WDR47: variants seen among roughly 807,000 people sequenced by gnomAD.
WDR47 encodes the protein WD repeat-containing protein 47.
Under a neutral mutation model 97.2 loss-of-function variants are expected in WDR47, and 32 were observed. That is an observed-to-expected ratio of 0.33 (90% CI 0.25 to 0.44). The LOEUF is 0.44. Ranked by LOEUF, WDR47 falls within the 20% of genes least tolerant of loss-of-function variation. The pLI, the probability that WDR47 is intolerant of heterozygous loss-of-function variation, is 1.00. For missense variants in WDR47, 782 were observed against 1,102.3 expected, an observed-to-expected ratio of 0.71 and a Z score of 4.11; for synonymous variants, 375 against 373.5, an observed-to-expected ratio of 1.00 and a Z score of -0.05.
intron 7 of WDR47, among the ~76,000 whole-genome samples, chr1:108,996,880 G>T (rs1659789262): frequency 6.6e-6 from 1 of 152,210 alleles, no homozygotes; most frequent in Non-Finnish European, 1.5e-5. Context: ...CACTTTGGGA[G>T]GCTGAGGTGG....
chr1:109,029,251 G>A (rs542448757), intron 1 of WDR47, among the ~76,000 whole-genome samples: 62 of 152,120 alleles, frequency 4.1e-4, no homozygotes, highest in African/African-American at 1.3e-3. Context: ...ACTGCCGGGC[G>A]CAGTGGCTCA....
intron 1 of WDR47, among the ~76,000 whole-genome samples, chr1:109,036,153 AT>A (rs1662926478): frequency 6.6e-6 from 1 of 152,182 alleles, no homozygotes; most frequent in South Asian, 2.1e-4. Flanking sequence ...ACTGGGTACT[AT>A]TTTAGGATCT....
At chr1:108,990,808 T>C (rs1240021303) in intron 9 of WDR47, among the ~76,000 whole-genome samples, 1 of 151,960 alleles carries the variant, frequency 6.6e-6, no homozygotes, top group African/African-American at 2.4e-5. Context: ...AAATTAACCA[T>C]AGGGTTCAGA....
At chr1:108,982,930 C>A (rs1253673152) in intron 11 of WDR47, 151 bp from the exon 12 acceptor site, 2 of 902,058 alleles carry the variant, frequency 2.2e-6, no homozygotes, top group African/African-American at 3.4e-5. Context: ...TAAGCAGTTT[C>A]ACTTTACTGA....
chr1:109,030,317 TA>T, intron 1 of WDR47: 2 of 1,050,662 alleles, frequency 1.9e-6, no homozygotes, highest in South Asian at 1.6e-5. Context: ...GAAGCAGCAC[TA>T]AAAGCACTCT....
intron 7 of WDR47, among the ~76,000 whole-genome samples, chr1:108,998,383 G>A (rs1028884341): frequency 6.6e-6 from 1 of 151,880 alleles, no homozygotes; most frequent in African/African-American, 2.4e-5. Flanking sequence ...GACACTTGTG[G>A]TCCCCGCTAC....
At chr1:108,993,021 TATC>T (rs1659478663) in intron 8 of WDR47, among the ~76,000 whole-genome samples, 1 of 152,154 alleles carries the variant, frequency 6.6e-6, no homozygotes, top group South Asian at 2.1e-4. Flanking sequence ...CTATCTTCTA[TATC>T]ATCATGAAGT....
intron 8 of WDR47, among the ~76,000 whole-genome samples, chr1:108,993,615 C>G (rs1233544575): frequency 6.6e-6 from 1 of 152,106 alleles, no homozygotes; most frequent in East Asian, 1.9e-4. Context: ...CCCAGCAGAA[C>G]AGTGAGGAAA....
At position 109,013,925 on chromosome 1, in the gene WDR47, C is replaced by A; in HGVS notation, c.243G>T (p.Arg81Ser). The change falls in exon 4 of 15, where the codon AGG becomes AGT. Residue 81 changes from arginine (R) to serine (S), a missense_variant and splice_region_variant. Physicochemically the swap from Arg to Ser is moderately radical, Grantham distance 110. This residue lies in a region of WDR47 where 428 missense variants were observed against 584.3 expected (regional missense o/e 0.73). Coordinates refer to ENST00000369962, the MANE Select transcript of WDR47 (RefSeq NM_001142551.2). ...LECMEKFDKKRFRYIILKQKF... is the reference protein window; with the variant it reads ...LECMEKFDKKSFRYIILKQKF... ...TCTGCTTCAGGATAATATAACGAAA[C>A]CTGTGGGAAAAAAATGAAGCATTAA... The A allele has an allele frequency of 6.2e-7, 1 of 1,603,172 alleles. No homozygotes were observed. Among genetic ancestry groups the A allele is most frequent in the Non-Finnish European group, 8.5e-7 (1 of 1,176,288 alleles).
chr1:108,992,204 TAAGA>T, intron 8 of WDR47: 2 of 755,530 alleles, frequency 2.6e-6, no homozygotes, highest in South Asian at 1.5e-5. Flanking sequence ...AATTAGATAA[TAAGA>T]AAGACCTCTT....
chr1:109,023,543 A>T, intron 1 of WDR47, 22 bp from the exon 2 acceptor site: 1 of 1,604,490 alleles, frequency 6.2e-7, no homozygotes, highest in African/African-American at 1.3e-5. Flanking sequence ...ACAGAAAAAC[A>T]ATAAAGCTAG....
chr1:109,040,532 T>G (rs775583795), intron 1 of WDR47, among the ~76,000 whole-genome samples: 3 of 152,106 alleles, frequency 2.0e-5, no homozygotes, highest in East Asian at 1.9e-4. Context: ...AAAAAAAAAT[T>G]TACATCTTCA....
At chr1:109,039,719 C>G (rs1663213004) in intron 1 of WDR47, among the ~76,000 whole-genome samples, 1 of 151,962 alleles carries the variant, frequency 6.6e-6, no homozygotes, top group Non-Finnish European at 1.5e-5. Context: ...AGTCTGAAGA[C>G]CTGGGTTCAA....
At chr1:109,004,283 G>A (rs1039954699) in intron 6 of WDR47, among the ~76,000 whole-genome samples, 2 of 151,282 alleles carry the variant, frequency 1.3e-5, no homozygotes, top group African/African-American at 2.4e-5. Context: ...AAAAACAAAC[G>A]TAAACTAGCC....
Position 108,995,729 on chromosome 1 carries a change from ACCATTAGATCCATTGCCTTTGCTC to A in WDR47, c.1518_1541del (p.Lys508_Ser515del). ...GTGTAGTAAAACTAGTCACAGAAGA[ACCATTAGATCCATTGCCTTTGCTC>A]CCATTACATTGCTGGTTGAGTGCTG... is the stretch of plus-strand genomic sequence containing the variant. On this transcript the variant is annotated inframe_deletion, in exon 8 of 15. Coordinates refer to ENST00000369962, the MANE Select transcript of WDR47 (RefSeq NM_001142551.2). 6.2e-7 allele frequency: 1 copy of A among 1,614,104 alleles called. No individual in the cohort carries two copies.
rs1557910465 is a variant in WDR47, at chr1:108,974,678, C to T, written c.2475G>A (p.Met825Ile). The change falls in exon 14 of 15, where the codon ATG becomes ATA. Residue 825 changes from methionine to isoleucine, a missense_variant. By Grantham distance (10) the Met-to-Ile change is conservative (BLOSUM62 1). Transcript: ENST00000369962. ...TTCTTCCTCCTCTTATGTCATACAA[C>T]ATGCAGCTAGAATCTTCTTGACCTG... ...LATGQEDSSCMLYDIRGGRMV... is the reference protein window; with the variant it reads ...LATGQEDSSCILYDIRGGRMV... The T allele has an allele frequency of 6.2e-7, 1 of 1,614,120 alleles. No homozygotes were observed. The highest frequency in any genetic ancestry group is 1.7e-5 in the Admixed American group (1 of 60,016).
chr1:109,002,279 T>C lies in WDR47; in HGVS notation c.1378A>G (p.Asn460Asp), dbSNP rs1229934018. The change falls in exon 7 of 15, where the codon AAT (asparagine) becomes GAT (aspartate). Residue 460 changes from asparagine to aspartate, a missense_variant. By Grantham distance (23) the Asn-to-Asp change is conservative (BLOSUM62 1). Coordinates refer to ENST00000369962, the MANE Select transcript of WDR47 (RefSeq NM_001142551.2). ...YQQMLLEGGV[N>D]QEDGPDQQQN... ...TGCTGATCAGGACCATCCTCCTGAT[T>C]CACGCCTCCTTCAAGCAACATCTGT... 1 of 1,612,342 alleles carries C rather than the reference T, an allele frequency of 6.2e-7. No homozygotes were observed. The highest frequency in any genetic ancestry group is 1.1e-5 in the South Asian group (1 of 90,874).
rs1276566482 is a variant in WDR47, at chr1:109,004,592, CTCA to C, written c.1251_1253del (p.Asn417_Glu418delinsLys). On this transcript the variant is annotated inframe_deletion and splice_region_variant, in exon 6 of 15. Coordinates refer to ENST00000369962, the MANE Select transcript of WDR47 (RefSeq NM_001142551.2). ...AAACACTAGGTTTAGTAAATATTAC[CTCA>C]TTTTTTTCTTGTTTAGCTGGTCCTG... is the stretch of plus-strand genomic sequence containing the variant. 6.2e-7 allele frequency: 1 copy of C among 1,609,282 alleles called. No homozygotes were observed. The highest frequency in any genetic ancestry group is 1.7e-5 in the Admixed American group (1 of 59,000).
Position 108,986,539 on chromosome 1 carries a change from C to T in WDR47, c.1909G>A (p.Asp637Asn), listed in dbSNP as rs768755989. 2 of 1,610,006 alleles carry T rather than the reference C, an allele frequency of 1.2e-6. No homozygotes were observed. Among genetic ancestry groups the T allele is most frequent in the South Asian group, 2.2e-5 (2 of 90,368 alleles). Residue 637 changes from aspartate (D) to asparagine (N), a missense_variant, in exon 10 of 15, where the codon GAT (aspartate) becomes AAT (asparagine). By Grantham distance (23) the Asp-to-Asn change is conservative. This residue lies in a region of WDR47 where 228 missense variants were observed against 396.7 expected (regional missense o/e 0.57). Transcript: ENST00000369962. Reference sequence around the variant, plus strand: ...GATCCTTACCTTGGATCAATTACATCTGGATAGGCACATACTCTCAGAGTT... The same window carrying T: ...GATCCTTACCTTGGATCAATTACATTTGGATAGGCACATACTCTCAGAGTT... ...SKTLRVCAYP[D>N]VIDPSAHETP...
Sources: allele counts gnomAD v4.1 joint callset (sites outside exome capture counted in the v4.1 genomes callset), GRCh38; gene constraint gnomAD v4.1.1; regional missense constraint gnomAD v4.1.1; transcripts MANE v1.5; gene names NCBI Gene and HGNC (gene_info 2026-07-23, HGNC 2026-07-21).